AKAP11: variants seen among roughly 807,000 people sequenced by gnomAD.
AKAP11 encodes the protein A-kinase anchoring protein 11, also known as A-kinase anchor protein 11.
Under a neutral mutation model 146.1 loss-of-function variants are expected in AKAP11, and 36 were observed. The observed-to-expected ratio is 0.25, with a 90% CI of 0.19 to 0.33. The LOEUF (loss-of-function observed/expected upper bound fraction) is 0.33. AKAP11 is among the 10% of genes least tolerant of loss of function. The probability of loss-of-function intolerance (pLI) is 1.00; values close to 1 mark genes in which losing one functional copy is unlikely to be tolerated. For synonymous variants in AKAP11, 780 were observed against 786.5 expected, an observed-to-expected ratio of 0.99 and a Z score of 0.14; for missense variants, 2,201 against 2,197.0, an observed-to-expected ratio of 1.00 and a Z score of -0.04.
intron 9 of AKAP11, among the ~76,000 whole-genome samples, chr13:42,309,580 A>T (rs1427931449): frequency 6.6e-6 from 1 of 152,192 alleles, no homozygotes; most frequent in Non-Finnish European, 1.5e-5. Context: ...TTAACCTGGA[A>T]ATATTAATAT....
At position 42,303,022 on chromosome 13, in the gene AKAP11, CAAAGTA is replaced by C. The variant is rs1566280726; in HGVS notation, c.4281_4286del (p.Ser1427_Lys1428del). The C allele has an allele frequency of 1.2e-6, 2 of 1,612,972 alleles. No individual in the cohort carries two copies. The highest frequency in any genetic ancestry group is 4.5e-5 in the East Asian group (2 of 44,846). On this transcript the variant is annotated inframe_deletion, in exon 8 of 13. Coordinates refer to ENST00000025301, the MANE Select transcript of AKAP11 (RefSeq NM_016248.4). ...CCACCAAGAAGCAGACAAAAAGAGA[CAAAGTA>C]AAAGAAATGAAGGTTACTTTTGTAA...
chr13:42,277,187 A>G (rs1958943734), intron 1 of AKAP11, among the ~76,000 whole-genome samples: 1 of 152,250 alleles, frequency 6.6e-6, no homozygotes, highest in Admixed American at 6.5e-5. Flanking sequence ...TGAAAGTCAA[A>G]TATATTACAG....
Position 42,299,540 on chromosome 13 carries a change from A to G in AKAP11, c.794A>G (p.Lys265Arg). Residue 265 changes from lysine (K) to arginine (R), a missense_variant, in exon 8 of 13, where the codon AAA becomes AGA. Lys to Arg is a conservative substitution (Grantham distance 26, BLOSUM62 2). Around this residue, in one of 3 missense-constraint regions of AKAP11, gnomAD observed 331 missense variants for 347.4 expected, o/e 0.95. Coordinates refer to ENST00000025301, the MANE Select transcript of AKAP11 (RefSeq NM_016248.4). The part of the protein sequence containing the change: ...VLGHKELPSV[K>R]TSVTTSISEP... ...GGACATAAAGAACTACCTTCTGTGA[A>G]AACTTCAGTCACAACATCAATTTCA... 6.2e-7 allele frequency: 1 copy of G among 1,614,008 alleles called. No individual in the cohort carries two copies. Among genetic ancestry groups the G allele is most frequent in the Middle Eastern group, 1.7e-4 (1 of 6,060 alleles).
chr13:42,318,939 T>G, intron 12 of AKAP11, 149 bp from the exon 13 acceptor site: 1 of 917,170 alleles, frequency 1.1e-6, no homozygotes, highest in Non-Finnish European at 1.6e-6. Context: ...GGGGTAGCGG[T>G]TTAGAGGGGA....
intron 8 of AKAP11, among the ~76,000 whole-genome samples, chr13:42,305,966 A>G (rs975192134): frequency 2.0e-5 from 3 of 151,918 alleles, no homozygotes; most frequent in Non-Finnish European, 4.4e-5. Context: ...TCTCATGAGA[A>G]CTCCCTCACT....
intron 9 of AKAP11, among the ~76,000 whole-genome samples, chr13:42,308,904 T>C (rs1960417240): frequency 6.6e-6 from 1 of 151,556 alleles, no homozygotes; most frequent in Non-Finnish European, 1.5e-5. Context: ...GAGGAAAAAT[T>C]TTTTTTTTCA....
intron 9 of AKAP11, among the ~76,000 whole-genome samples, chr13:42,310,626 G>A (rs1960510238): frequency 6.6e-6 from 1 of 152,098 alleles, no homozygotes; most frequent in South Asian, 2.1e-4. Flanking sequence ...GCCAATGGGG[G>A]TGGGGGTGGA....
intron 1 of AKAP11, among the ~76,000 whole-genome samples, chr13:42,272,889 A>C (rs1373672064): frequency 1.3e-5 from 2 of 152,242 alleles, no homozygotes; most frequent in Non-Finnish European, 2.9e-5. Flanking sequence ...CTTTATAAAA[A>C]ATATGTAGAT....
In AKAP11 at chr13:42,322,946, C is replaced by T. The variant is rs1213098361; in HGVS notation, c.*3718C>T. The T allele has an allele frequency of 6.6e-6, 1 of 152,624 alleles. No individual in the cohort carries two copies. Among genetic ancestry groups the T allele is most frequent in the Non-Finnish European group, 1.5e-5 (1 of 67,978 alleles). The allele number at this position is 152,624 out of a possible 1,614,324, so 9.5% of individuals were successfully genotyped here. Reference sequence around the variant, plus strand: ...TGCAGTGTTAAAAGTAATCCACTTTCTTGTTTAATATACCAGATACATAGC... The same window carrying T: ...TGCAGTGTTAAAAGTAATCCACTTTTTTGTTTAATATACCAGATACATAGC... On this transcript the variant is annotated 3_prime_UTR_variant, in exon 13 of 13. Transcript: ENST00000025301.
intron 10 of AKAP11, 45 bp downstream of exon 10, chr13:42,313,175 C>A: frequency 7.2e-7 from 1 of 1,381,132 alleles, no homozygotes; most frequent in Non-Finnish European, 1.0e-6. Context: ...TCTGTCACCA[C>A]TAATGCATGA....
rs1441146014 is a variant in AKAP11 at position 42,301,849 on chromosome 13, G to T, written c.3103G>T (p.Asp1035Tyr). 1 of 1,614,138 alleles carries T rather than the reference G, an allele frequency of 6.2e-7. No homozygotes were observed. Among genetic ancestry groups the T allele is most frequent in the East Asian group, 2.2e-5 (1 of 44,886 alleles). Residue 1035 changes from aspartate to tyrosine, a missense_variant, in exon 8 of 13, where the codon GAC becomes TAC. Around this residue, in one of 3 missense-constraint regions of AKAP11, gnomAD observed 1,867 missense variants for 1,833.5 expected, o/e 1.02. Coordinates refer to ENST00000025301, the MANE Select transcript of AKAP11 (RefSeq NM_016248.4). ...TCCAGCTGTGACAGGTCAGAAATCT[G>T]ACTTGAAGGAATCTGCTAAGGATCA... ...SCPAVTGQKS[D>Y]LKESAKDQPL...
chr13:42,282,189 G>C (rs902785442), intron 1 of AKAP11, among the ~76,000 whole-genome samples: 3 of 150,592 alleles, frequency 2.0e-5, no homozygotes, highest in African/African-American at 7.3e-5. Context: ...GGCTGTTCTT[G>C]AACTCCTGGC....
intron 8 of AKAP11, among the ~76,000 whole-genome samples, chr13:42,306,595 C>T (rs552933293): frequency 2.0e-5 from 3 of 152,284 alleles, no homozygotes; most frequent in Admixed American, 1.3e-4. Flanking sequence ...TCTGTAAATA[C>T]TGACTAAGGA....
chr13:42,305,076 CTTAG>C (rs1461061038), intron 8 of AKAP11, among the ~76,000 whole-genome samples: 2 of 152,270 alleles, frequency 1.3e-5, no homozygotes, highest in South Asian at 2.1e-4. Context: ...TTAATAACAA[CTTAG>C]TTACAGTTTT....
rs1455666278 is a variant in AKAP11 at position 42,320,266 on chromosome 13, T to G, written c.*1038T>G. The G allele has an allele frequency of 6.9e-6, 1 of 143,920 alleles. No individual in the cohort carries two copies. Among genetic ancestry groups the G allele is most frequent in the Non-Finnish European group, 1.6e-5 (1 of 63,864 alleles). 8.9% of individuals were successfully genotyped at this position (143,920 alleles called of 1,614,324 possible). On this transcript the variant is annotated 3_prime_UTR_variant, in exon 13 of 13. Transcript: ENST00000025301. ...AAAACCTCTACCAAGAATGTGGTGT[T>G]TTTTTTGTTTGTTTGTTTGTTTGTT...
chr13:42,295,862 CTG>C, intron 5 of AKAP11, 120 bp downstream of exon 5: 3 of 836,654 alleles, frequency 3.6e-6, no homozygotes, highest in Non-Finnish European at 5.9e-6. Flanking sequence ...TTTCTGCATT[CTG>C]TGTATAATAC....
In AKAP11 at chr13:42,286,354, G is replaced by T; in HGVS notation, c.6G>T (p.Ala2=). 1 of 1,599,738 alleles carries T rather than the reference G, an allele frequency of 6.3e-7. No homozygotes were observed. The highest frequency in any genetic ancestry group is 1.1e-5 in the South Asian group (1 of 88,114). ...ATATACAACAAAAAATAGTTATGGC[G>T]ACTTTCAGAAACAATCACATGAAGA... M[A]TFRNNHMKTK... Residue 2 remains alanine, a synonymous_variant, in exon 3 of 13, where the codon GCG becomes GCT. Coordinates refer to ENST00000025301, the MANE Select transcript of AKAP11 (RefSeq NM_016248.4).
In AKAP11 at chr13:42,319,065, T is replaced by C. The variant is rs772907373; in HGVS notation, c.5566-23T>C. ...GTTATAAAATTGTTTTTGGTTAATG[T>C]TTGACACATCTTTCTTTCTTAGCTT... is the stretch of plus-strand genomic sequence containing the variant. On this transcript the variant is annotated intron_variant, in intron 12 of 12. Transcript: ENST00000025301. 104 of 1,608,796 alleles carry C rather than the reference T, an allele frequency of 6.5e-5. 1 individual carries two copies. Among genetic ancestry groups the C allele is most frequent in the Non-Finnish European group, 8.7e-5 (102 of 1,177,832 alleles).
chr13:42,279,005 G>A (rs141078998), intron 1 of AKAP11, among the ~76,000 whole-genome samples: 22 of 151,388 alleles, frequency 1.5e-4, no homozygotes, highest in African/African-American at 5.3e-4. Context: ...ATATAGATGT[G>A]AAGTCTGTTG....
Sources: allele counts gnomAD v4.1 joint callset (sites outside exome capture counted in the v4.1 genomes callset), GRCh38; gene constraint gnomAD v4.1.1; regional missense constraint gnomAD v4.1.1; transcripts MANE v1.5; gene names NCBI Gene and HGNC (gene_info 2026-07-23, HGNC 2026-07-21).